Variants in CUL3 observed in about 807,000 individuals in gnomAD.
CUL3 encodes cullin 3, also known as cullin-3.
CUL3 carries 19 observed loss-of-function variants against 89.1 expected under a neutral mutation model. That is an observed-to-expected ratio of 0.21 (90% CI 0.15 to 0.31). The LOEUF is 0.31. CUL3 is among the 10% of genes least tolerant of loss of function. The probability of loss-of-function intolerance (pLI) is 1.00; values close to 1 mark genes in which losing one functional copy is unlikely to be tolerated. For synonymous variants in CUL3, 351 were observed against 308.4 expected (o/e 1.14, Z -1.45); for missense variants, 469 against 942.3 (o/e 0.50, Z 6.58).
chr2:224,500,131 C>A, intron 11 of CUL3: 1 of 394,476 alleles, frequency 2.5e-6, no homozygotes. Flanking sequence ...AAAGGCATTT[C>A]AAATGCCAGC....
intron 10 of CUL3, among the ~76,000 whole-genome samples, chr2:224,502,417 C>T (rs1231701256): frequency 6.6e-6 from 1 of 152,166 alleles, no homozygotes; most frequent in Non-Finnish European, 1.5e-5. Context: ...AAAGAAGTTC[C>T]AGCTCACCAC....
At chr2:224,489,996 G>A (rs13017924) in intron 13 of CUL3, among the ~76,000 whole-genome samples, 73,733 of 151,938 alleles carry the variant, frequency 0.49, 18,094 homozygotes, top group East Asian at 0.63. Flanking sequence ...AGGAACTTAA[G>A]CAAATTTACA....
chr2:224,528,291 C>T (rs887707958), intron 3 of CUL3, among the ~76,000 whole-genome samples: 1 of 152,032 alleles, frequency 6.6e-6, no homozygotes, highest in Admixed American at 6.6e-5. Context: ...TGACTAGTGC[C>T]CCCGCCTCCA....
chr2:224,494,311 T>C (rs1692086746), intron 13 of CUL3, among the ~76,000 whole-genome samples: 1 of 152,198 alleles, frequency 6.6e-6, no homozygotes, highest in Non-Finnish European at 1.5e-5. Flanking sequence ...AAATATTCAT[T>C]ACCTTAAATT....
intron 14 of CUL3, among the ~76,000 whole-genome samples, chr2:224,481,358 G>A (rs1329237351): frequency 1.3e-5 from 2 of 151,496 alleles, no homozygotes; most frequent in African/African-American, 2.4e-5. Flanking sequence ...TATGTTAAAT[G>A]TTTAATGAAT....
intron 1 of CUL3, among the ~76,000 whole-genome samples, chr2:224,577,116 G>A (rs1494109): frequency 0.75 from 114,732 of 152,194 alleles, 43,877 homozygotes; most frequent in African/African-American, 0.9. Context: ...TGGCCTAATC[G>A]TGGCTAAATA....
At chr2:224,520,422 C>T (rs1307596176) in intron 3 of CUL3, among the ~76,000 whole-genome samples, 1 of 152,238 alleles carries the variant, frequency 6.6e-6, no homozygotes, top group Admixed American at 6.5e-5. Context: ...AAACCAACTT[C>T]ATTTGTAACA....
At chr2:224,549,843 C>T (rs1559209967) in intron 2 of CUL3, among the ~76,000 whole-genome samples, 2 of 152,048 alleles carry the variant, frequency 1.3e-5, no homozygotes, top group African/African-American at 4.8e-5. Context: ...ATCTGACTTA[C>T]ATATACACAT....
At chr2:224,508,793 T>G (rs1692700876) in intron 6 of CUL3, among the ~76,000 whole-genome samples, 1 of 151,916 alleles carries the variant, frequency 6.6e-6, no homozygotes, top group South Asian at 2.1e-4. Flanking sequence ...CCCCCCTGTC[T>G]TTAATAAAAA....
At position 224,585,276 on chromosome 2, in the gene CUL3, G is replaced by C. The variant is rs1056136201; in HGVS notation, c.-267C>G. ...CTCCGCGGGGTCCCCCTCACGTCCG[G>C]CTCGGCTCCCTTTATCGCGCTCCTC... On this transcript the variant is annotated 5_prime_UTR_variant, in exon 1 of 16. Transcript: ENST00000264414. 2.5e-6 allele frequency: 1 copy of C among 399,282 alleles called. No homozygotes were observed. Among genetic ancestry groups the C allele is most frequent in the African/African-American group, 2.1e-5 (1 of 48,340 alleles). 24.7% of individuals were successfully genotyped at this position (399,282 alleles called of 1,614,324 possible). A position where few individuals can be genotyped will look rare whatever the true frequency, so the allele number is the denominator to read the frequency against.
chr2:224,537,938 C>G (rs1474882886), intron 2 of CUL3, among the ~76,000 whole-genome samples: 1 of 151,858 alleles, frequency 6.6e-6, no homozygotes, highest in Non-Finnish European at 1.5e-5. Flanking sequence ...CTGATTTGTA[C>G]ATTTTATAAA....
At chr2:224,504,629 C>T (rs1692521186) in intron 8 of CUL3, among the ~76,000 whole-genome samples, 2 of 152,090 alleles carry the variant, frequency 1.3e-5, no homozygotes, top group African/African-American at 4.8e-5. Context: ...TAAATAAGGG[C>T]AAAAGGATTC....
intron 13 of CUL3, among the ~76,000 whole-genome samples, chr2:224,488,615 C>T (rs957763043): frequency 7.2e-5 from 11 of 151,910 alleles, no homozygotes; most frequent in African/African-American, 2.7e-4. Context: ...GAAACTGAGG[C>T]AGTAATAGCC....
intron 13 of CUL3, chr2:224,495,190 C>CA (rs1008439196): frequency 2.0e-5 from 3 of 151,686 alleles, no homozygotes; most frequent in Non-Finnish European, 4.4e-5. Context: ...TAAAGCGGCT[C>CA]AAAATCTAAA....
chr2:224,564,841 C>T lies in CUL3; in HGVS notation c.67-6985G>A, dbSNP rs530035172. Among the ~76,000 whole-genome samples the T allele has an allele frequency of 1.9e-3, 262 of 137,572 alleles. 2 individuals are homozygous for T. Among genetic ancestry groups the T allele is most frequent in the Admixed American group, 0.017 (230 of 13,272 alleles). The allele number at this position is 137,572 out of a possible 152,430, so 90.3% of individuals were successfully genotyped here. A position where few individuals can be genotyped will look rare whatever the true frequency, so the allele number is the denominator to read the frequency against. ...ATGTCAAAAATCCCTGACAACTCAC[C>T]ATCCAAACCTGCCCAAACCTTCTTC... On this transcript the variant is annotated intron_variant, in intron 1 of 15. Coordinates refer to ENST00000264414, the MANE Select transcript of CUL3 (RefSeq NM_003590.5).
chr2:224,537,091 T>G (rs1693926988), intron 2 of CUL3, among the ~76,000 whole-genome samples: 1 of 152,206 alleles, frequency 6.6e-6, no homozygotes, highest in Non-Finnish European at 1.5e-5. Flanking sequence ...TGGTGCTTTC[T>G]GAGAAACATC....
intron 1 of CUL3, among the ~76,000 whole-genome samples, chr2:224,562,454 A>G (rs917350148): frequency 2.0e-5 from 3 of 152,072 alleles, no homozygotes; most frequent in East Asian, 3.9e-4. Flanking sequence ...CCTAGCCAAC[A>G]TGGTGAAACC....
chr2:224,541,003 T>A (rs1276356591), intron 2 of CUL3, among the ~76,000 whole-genome samples: 1 of 151,806 alleles, frequency 6.6e-6, no homozygotes, highest in African/African-American at 2.4e-5. Context: ...ACCATAGTAA[T>A]CCAAAGAAAA....
intron 10 of CUL3, 93 bp from the exon 11 acceptor site, chr2:224,500,580 T>C (rs1046773016): frequency 8.6e-7 from 1 of 1,161,502 alleles, no homozygotes. Flanking sequence ...CCAAAGCAGT[T>C]AGCTCCATGT....
Sources: allele counts gnomAD v4.1 joint callset (sites outside exome capture counted in the v4.1 genomes callset), GRCh38; gene constraint gnomAD v4.1.1; transcripts MANE v1.5; gene names NCBI Gene and HGNC (gene_info 2026-07-23, HGNC 2026-07-21).